Variants in LAMA2 observed in about 807,000 individuals in gnomAD.
LAMA2 encodes laminin subunit alpha-2.
Under a neutral mutation model 364.8 loss-of-function variants are expected in LAMA2, and 269 were observed. The observed-to-expected ratio is 0.74, with a 90% CI of 0.67 to 0.82. LAMA2 has a LOEUF of 0.82. Among genes scored for constraint, LAMA2 ranks in the 40% least tolerant of loss-of-function variants. LAMA2 has a pLI of 0.00. For missense variants in LAMA2, 3,807 were observed against 3,873.2 expected, an observed-to-expected ratio of 0.98 and a Z score of 0.45; for synonymous variants, 1,379 against 1,370.6, an observed-to-expected ratio of 1.01 and a Z score of -0.14.
At chr6:128,973,263 A>C (rs1320460611) in intron 1 of LAMA2, among the ~76,000 whole-genome samples, 2 of 152,178 alleles carry the variant, frequency 1.3e-5, no homozygotes, top group Non-Finnish European at 2.9e-5. Flanking sequence ...AGCAGGATTC[A>C]TAATTTTTTT....
intron 16 of LAMA2, among the ~76,000 whole-genome samples, chr6:129,270,040 A>G (rs1175646810): frequency 6.6e-6 from 1 of 152,132 alleles, no homozygotes; most frequent in African/African-American, 2.4e-5. Context: ...ATGTTTAATT[A>G]TGAGTCAAGC....
At chr6:129,310,867 T>C (rs1351314650) in intron 22 of LAMA2, among the ~76,000 whole-genome samples, 8 of 152,080 alleles carry the variant, frequency 5.3e-5, no homozygotes, top group Admixed American at 5.2e-4. Context: ...CTATGGATGG[T>C]CAAACAAAAC....
intron 12 of LAMA2, among the ~76,000 whole-genome samples, chr6:129,215,441 A>G (rs1384375477): frequency 6.6e-6 from 1 of 152,212 alleles, no homozygotes; most frequent in Admixed American, 6.5e-5. Flanking sequence ...TTGAAAAATA[A>G]CTGCAGATAC....
intron 56 of LAMA2, among the ~76,000 whole-genome samples, chr6:129,489,959 A>T (rs907342472): frequency 1.3e-5 from 2 of 152,218 alleles, no homozygotes; most frequent in African/African-American, 4.8e-5. Flanking sequence ...GACCTATTAC[A>T]ATACTAAAGT....
chr6:128,892,945 G>T (rs573140372), intron 1 of LAMA2, among the ~76,000 whole-genome samples: 1 of 151,786 alleles, frequency 6.6e-6, no homozygotes, highest in Admixed American at 6.6e-5. Context: ...ACTTGGGAAC[G>T]CTGGATTTTG....
intron 55 of LAMA2, among the ~76,000 whole-genome samples, chr6:129,483,623 T>A (rs1050009571): frequency 6.6e-6 from 1 of 152,188 alleles, no homozygotes; most frequent in Non-Finnish European, 1.5e-5. Flanking sequence ...TTTCTGTGAA[T>A]CATGACAGCT....
chr6:129,056,117 G>GT (rs1418520760), intron 2 of LAMA2, among the ~76,000 whole-genome samples: 9 of 152,132 alleles, frequency 5.9e-5, no homozygotes, highest in African/African-American at 2.2e-4. Flanking sequence ...TTGTATGTGT[G>GT]TGTTTTTCTA....
At chr6:129,219,371 T>G (rs930273887) in intron 12 of LAMA2, among the ~76,000 whole-genome samples, 2 of 151,762 alleles carry the variant, frequency 1.3e-5, no homozygotes, top group African/African-American at 4.8e-5. Flanking sequence ...ACTTTTACAC[T>G]GTTGGTGGGA....
At chr6:129,199,238 T>C (rs1381336229) in intron 12 of LAMA2, among the ~76,000 whole-genome samples, 1 of 152,046 alleles carries the variant, frequency 6.6e-6, no homozygotes, top group Non-Finnish European at 1.5e-5. Flanking sequence ...TATTGACTGA[T>C]TAAAAGAGAA....
intron 4 of LAMA2, among the ~76,000 whole-genome samples, chr6:129,099,887 G>A (rs907715154): frequency 2.0e-5 from 3 of 152,194 alleles, no homozygotes; most frequent in African/African-American, 4.8e-5. Context: ...TGTTCAACCT[G>A]CTTTGTGCCT....
chr6:129,161,645 T>C (rs1779443662), intron 8 of LAMA2, among the ~76,000 whole-genome samples: 1 of 152,100 alleles, frequency 6.6e-6, no homozygotes, highest in Non-Finnish European at 1.5e-5. Context: ...TTTTCAATCT[T>C]CACCCCCCTC....
chr6:128,887,532 T>C (rs776810783), intron 1 of LAMA2, among the ~76,000 whole-genome samples: 6 of 152,124 alleles, frequency 3.9e-5, no homozygotes, highest in Non-Finnish European at 7.4e-5. Flanking sequence ...AAGATTTTTC[T>C]ACCCTAGGAT....
intron 4 of LAMA2, among the ~76,000 whole-genome samples, chr6:129,112,394 T>C (rs1373661346): frequency 2.6e-5 from 4 of 151,890 alleles, no homozygotes; most frequent in African/African-American, 9.6e-5. Flanking sequence ...TTGAATTAGC[T>C]GTGGAAGACC....
intron 12 of LAMA2, among the ~76,000 whole-genome samples, chr6:129,207,878 G>A (rs1182013902): frequency 6.6e-6 from 1 of 152,158 alleles, no homozygotes; most frequent in African/African-American, 2.4e-5. Flanking sequence ...TGTCTCAGAA[G>A]GTGAGGGTCA....
At chr6:128,933,991 C>T (rs1018194051) in intron 1 of LAMA2, among the ~76,000 whole-genome samples, 3 of 152,222 alleles carry the variant, frequency 2.0e-5, no homozygotes, top group South Asian at 2.1e-4. Context: ...CTTCGGGTGT[C>T]GTACCCCAAA....
intron 1 of LAMA2, among the ~76,000 whole-genome samples, chr6:128,919,808 A>G (rs1016604237): frequency 2.6e-5 from 4 of 152,214 alleles, no homozygotes; most frequent in African/African-American, 9.7e-5. Flanking sequence ...TAAGTCATGT[A>G]GCCGTACATC....
intron 42 of LAMA2, among the ~76,000 whole-genome samples, chr6:129,439,945 A>G (rs777720408): frequency 2.4e-4 from 37 of 151,664 alleles, no homozygotes; most frequent in Non-Finnish European, 4.7e-4. Flanking sequence ...TTAGGTATTC[A>G]TACAGATACA....
rs749101711 is a variant in LAMA2, at chr6:129,297,720, T to C, written c.2892T>C (p.Cys964=). The C allele has an allele frequency of 6.2e-7, 1 of 1,614,094 alleles. No homozygotes were observed. The highest frequency in any genetic ancestry group is 8.5e-7 in the Non-Finnish European group (1 of 1,179,964). The change falls in exon 21 of 65, where the codon TGT becomes TGC. Residue 964 remains cysteine, a synonymous_variant. Coordinates refer to ENST00000421865, the MANE Select transcript of LAMA2 (RefSeq NM_000426.4). ...TTGGCCTACAATCAGCAAGGGGCTG[T>C]GTTCCCTGCAACTGCAATTCTTTTG... ...GTFGLQSARG[C]VPCNCNSFGS...
rs1251293167 is a variant in LAMA2 at position 129,157,648 on chromosome 6, A to G, written c.1206+2965A>G. The G allele has an allele frequency of 8.7e-6, 14 of 1,612,328 alleles. No individual in the cohort carries two copies. The African/African-American group carries it at 1.6e-4, about 18-fold the overall frequency. On this transcript the variant is annotated intron_variant, in intron 8 of 64. Transcript: ENST00000421865. ...ATTAGCTTCAAAACTGCTCGTAGAC[A>G]TTCATCACTGTTCCACCGATTAGAC...
Sources: allele counts gnomAD v4.1 joint callset (sites outside exome capture counted in the v4.1 genomes callset), GRCh38; gene constraint gnomAD v4.1.1; transcripts MANE v1.5; gene names NCBI Gene and HGNC (gene_info 2026-07-23, HGNC 2026-07-21).